Variants in ATP11A observed in about 807,000 individuals in gnomAD.
ATP11A encodes phospholipid-transporting ATPase IH.
A neutral mutation model predicts 154.4 loss-of-function variants in ATP11A; 81 were observed. The observed-to-expected ratio is 0.52, with a 90% CI of 0.44 to 0.63. The LOEUF is 0.63. Ranked by LOEUF, ATP11A falls within the 30% of genes least tolerant of loss-of-function variation. ATP11A has a pLI of 0.00. For missense variants in ATP11A, 1,316 were observed against 1,474.3 expected (o/e 0.89, Z 1.76); for synonymous variants, 623 against 585.9 (o/e 1.06, Z -0.91).
intron 29 of ATP11A, among the ~76,000 whole-genome samples, chr13:112,879,829 G>A (rs574293397): frequency 5.3e-5 from 8 of 152,320 alleles, no homozygotes; most frequent in African/African-American, 1.4e-4. Context: ...CTTTTAACCT[G>A]TTCCTACGGA....
chr13:112,778,705 T>G, intron 1 of ATP11A, among the ~76,000 whole-genome samples: 1 of 125,348 alleles, frequency 8.0e-6, no homozygotes, highest in Admixed American at 8.5e-5. Context: ...GAGTGAGGAG[T>G]AGCCGCTGGA....
At chr13:112,714,171 C>T (rs1654966202) in intron 1 of ATP11A, among the ~76,000 whole-genome samples, 1 of 110,156 alleles carries the variant, frequency 9.1e-6, no homozygotes, top group African/African-American at 3.4e-5. Flanking sequence ...TTCCTGGCCC[C>T]ACGTCTACTG....
chr13:112,752,518 C>T (rs1043404860), intron 1 of ATP11A, among the ~76,000 whole-genome samples: 1 of 152,160 alleles, frequency 6.6e-6, no homozygotes, highest in Non-Finnish European at 1.5e-5. Context: ...GACGGGGGCT[C>T]CTCTTTCTGT....
At chr13:112,744,710 C>T (rs1455220548) in intron 1 of ATP11A, among the ~76,000 whole-genome samples, 1 of 152,200 alleles carries the variant, frequency 6.6e-6, no homozygotes, top group Admixed American at 6.5e-5. Flanking sequence ...CCCTCCTGGT[C>T]GACTCTTAGT....
chr13:112,763,661 A>C (rs939267881), intron 1 of ATP11A, among the ~76,000 whole-genome samples: 4 of 152,088 alleles, frequency 2.6e-5, no homozygotes, highest in African/African-American at 4.8e-5. Context: ...CATCCTCTAC[A>C]TGGAGGAACC....
chr13:112,718,118 C>T (rs927426013), intron 1 of ATP11A, among the ~76,000 whole-genome samples: 9 of 152,056 alleles, frequency 5.9e-5, no homozygotes, highest in Non-Finnish European at 1.5e-5. Context: ...CCGCCCCCTG[C>T]CCCCCACCCC....
rs370580347 is a variant in ATP11A at position 112,833,032 on chromosome 13, C to T, written c.1559+9C>T. 115 of 1,607,780 alleles carry T rather than the reference C, an allele frequency of 7.2e-5. No individual in the cohort carries two copies. The highest frequency in any genetic ancestry group is 8.5e-5 in the Non-Finnish European group (100 of 1,176,948). On this transcript the variant is annotated intron_variant, in intron 14 of 29. Coordinates refer to ENST00000375645, the MANE Select transcript of ATP11A (RefSeq NM_015205.3). ...GTCGAAGGTGTCCAGAGGTACGTCG[C>T]GGGCCAAGGGTCTGCCTGGGTTTCC...
At position 112,810,735 on chromosome 13, in the gene ATP11A, C is replaced by T; in HGVS notation, c.441+9C>T. 6.2e-7 allele frequency: 1 copy of T among 1,611,864 alleles called. No homozygotes were observed. The highest frequency in any genetic ancestry group is 2.2e-5 in the East Asian group (1 of 44,860). On this transcript the variant is annotated intron_variant, in intron 5 of 29. Coordinates refer to ENST00000375645, the MANE Select transcript of ATP11A (RefSeq NM_015205.3). ...AAAGTCGAAAGCTGCGAGTAAGTGA[C>T]ACCCGACACATTTACGCTGGTGAAG...
At chr13:112,720,369 C>T (rs1889007488) in intron 1 of ATP11A, among the ~76,000 whole-genome samples, 1 of 152,184 alleles carries the variant, frequency 6.6e-6, no homozygotes, top group South Asian at 2.1e-4. Flanking sequence ...TGTTGAAAGC[C>T]TGGAGCCAGT....
At chr13:112,873,127 A>G (rs9549313) in intron 26 of ATP11A, among the ~76,000 whole-genome samples, 139 of 13,790 alleles carry the variant, frequency 0.01, 2 homozygotes, top group Admixed American at 0.02. Flanking sequence ...GTCTTCCTGA[A>G]CGGTGTGAGG....
chr13:112,798,503 C>T (rs2078055951), intron 2 of ATP11A, among the ~76,000 whole-genome samples: 1 of 152,160 alleles, frequency 6.6e-6, no homozygotes, highest in African/African-American at 2.4e-5. Flanking sequence ...GTGGTGATTG[C>T]TCAGGGGTGA....
chr13:112,696,449 G>T lies in ATP11A; in HGVS notation c.39+5994G>T, dbSNP rs530304772. 6.6e-6 allele frequency among the ~76,000 whole-genome samples: 1 copy of T among 152,192 alleles called. No homozygotes were observed. The highest frequency in any genetic ancestry group is 2.1e-4 in the South Asian group (1 of 4,824). ...CGCTTGCCTCCTCCGGTTGGAGCGA[G>T]TGACCCGTTCTGCCGAAGTCCAGTC... On this transcript the variant is annotated intron_variant, in intron 1 of 29. Coordinates refer to ENST00000375645, the MANE Select transcript of ATP11A (RefSeq NM_015205.3). This position sits in a 1 kb window ranked among gnomAD's most constrained non-coding sequence, Gnocchi z 6.2.
intron 1 of ATP11A, among the ~76,000 whole-genome samples, chr13:112,737,345 C>G (rs1891096290): frequency 6.6e-6 from 1 of 152,164 alleles, no homozygotes; most frequent in Admixed American, 6.5e-5. Context: ...GGCTGAGCCG[C>G]ACACCCAGGG....
At chr13:112,860,180 C>A in intron 23 of ATP11A, 107 bp from the exon 24 acceptor site, 1 of 1,312,222 alleles carries the variant, frequency 7.6e-7, no homozygotes, top group Non-Finnish European at 1.1e-6. Flanking sequence ...TTGAAAAGCG[C>A]TCTGGTCTTT....
At chr13:112,837,162 G>C (rs1394124262) in intron 16 of ATP11A, among the ~76,000 whole-genome samples, 2 of 152,160 alleles carry the variant, frequency 1.3e-5, no homozygotes, top group Non-Finnish European at 2.9e-5. Flanking sequence ...CCTTTGCATG[G>C]CCATCACTTC....
chr13:112,835,420 C>T (rs1303808284), intron 15 of ATP11A, among the ~76,000 whole-genome samples: 1 of 152,214 alleles, frequency 6.6e-6, no homozygotes, highest in East Asian at 1.9e-4. Flanking sequence ...TCCCTTGATT[C>T]GGCGGGGCTC....
chr13:112,769,474 G>C (rs578079993), intron 1 of ATP11A, among the ~76,000 whole-genome samples: 2 of 152,316 alleles, frequency 1.3e-5, no homozygotes, highest in East Asian at 3.9e-4. Context: ...CTTCCTCTTT[G>C]GCCAGAGCCA....
chr13:112,767,917 C>A (rs1319658113), intron 1 of ATP11A, among the ~76,000 whole-genome samples: 1 of 152,148 alleles, frequency 6.6e-6, no homozygotes, highest in African/African-American at 2.4e-5. Flanking sequence ...GGTTTCGCTG[C>A]TGGCTGGGGA....
At chr13:112,829,397 A>G (rs547638669) in intron 12 of ATP11A, among the ~76,000 whole-genome samples, 1 of 152,384 alleles carries the variant, frequency 6.6e-6, no homozygotes, top group South Asian at 2.1e-4. Context: ...GTGGGATGCC[A>G]GGGTGGCTCA....
Sources: allele counts gnomAD v4.1 joint callset (sites outside exome capture counted in the v4.1 genomes callset), GRCh38; gene constraint gnomAD v4.1.1; non-coding constraint Gnocchi (gnomAD v3.1); transcripts MANE v1.5; gene names NCBI Gene and HGNC (gene_info 2026-07-23, HGNC 2026-07-21).